PIN1: variants seen among roughly 807,000 people sequenced by gnomAD.
The protein encoded by PIN1 is peptidylprolyl cis/trans isomerase, NIMA-interacting 1.
PIN1 carries 8 observed loss-of-function variants against 19.9 expected under a neutral mutation model. The ratio of observed to expected loss-of-function variants is 0.40; its 90% CI spans 0.24 to 0.72. PIN1 has a LOEUF of 0.72. PIN1 is among the 30% of genes least tolerant of loss of function. The pLI is 0.37. For synonymous variants in PIN1, 86 were observed against 90.8 expected (o/e 0.95, Z 0.30); for missense variants, 185 against 226.5 (o/e 0.82, Z 1.18).
intron 2 of PIN1, among the ~76,000 whole-genome samples, chr19:9,842,815 C>T (rs2046181580): frequency 6.6e-6 from 1 of 152,208 alleles, no homozygotes; most frequent in African/African-American, 2.4e-5. Context: ...GTTCTCCCCT[C>T]GAGGGTTCAT....
At position 9,849,591 on chromosome 19, in the gene PIN1, A is replaced by G. The variant is rs775383362; in HGVS notation, c.*392A>G. On this transcript the variant is annotated 3_prime_UTR_variant, in exon 4 of 4. Coordinates refer to ENST00000247970, the MANE Select transcript of PIN1 (RefSeq NM_006221.4). ...CTAGTTAGGCCACGCTCCTCTGTTCAGTCGCAAAGGTGAACACTCATGCGG... is the reference window on the plus strand; with the variant it reads ...CTAGTTAGGCCACGCTCCTCTGTTCGGTCGCAAAGGTGAACACTCATGCGG... 2.0e-5 allele frequency: 11 copies of G among 545,724 alleles called. No homozygotes were observed. The East Asian group carries it at 5.4e-4, about 27-fold the overall frequency. 33.8% of individuals were successfully genotyped at this position (545,724 alleles called of 1,614,324 possible). A position where few individuals can be genotyped will look rare whatever the true frequency, so the allele number is the denominator to read the frequency against.
chr19:9,844,479 G>A (rs1026299259), intron 2 of PIN1, among the ~76,000 whole-genome samples: 1 of 152,182 alleles, frequency 6.6e-6, no homozygotes, highest in African/African-American at 2.4e-5. Context: ...TGAGCAGGCT[G>A]GCTGGGGTCT....
chr19:9,848,038 CA>C lies in PIN1; in HGVS notation c.281del (p.Gln94ArgfsTer53). ...EALELINGYIQKIKSGEEDFE... is the reference protein window; with the variant it reads ...EALELINGYIXKIKSGEEDFE... ...CCGTTCCATGTCCACAGGCTACATCCAGAAGATCAAGTCGGGAGAGGAGGAC... is the reference window on the plus strand; with the variant it reads ...CCGTTCCATGTCCACAGGCTACATCCGAAGATCAAGTCGGGAGAGGAGGAC... On this transcript the variant is annotated frameshift_variant, in exon 3 of 4. Transcript: ENST00000247970. LOFTEE classifies it high-confidence loss of function. 1 of 1,607,008 alleles carries C rather than the reference CA, an allele frequency of 6.2e-7. No homozygotes were observed. The highest frequency in any genetic ancestry group is 1.1e-5 in the South Asian group (1 of 90,924).
chr19:9,835,980 TTC>T (rs1322224059), intron 1 of PIN1: 7 of 152,344 alleles, frequency 4.6e-5, no homozygotes, highest in Admixed American at 2.0e-4. Context: ...GCGCTTTAAG[TTC>T]TCTCTGAATT....
Position 9,849,301 on chromosome 19 carries a change from AC to A in PIN1, c.*104del, listed in dbSNP as rs746328327. ...GTGGCCGAACCCCCCACTCCCTGCC[AC>A]CGTCACACAGTATTTATTGTTCCCA... On this transcript the variant is annotated 3_prime_UTR_variant, in exon 4 of 4. Coordinates refer to ENST00000247970, the MANE Select transcript of PIN1 (RefSeq NM_006221.4). 6 of 771,982 alleles carry A rather than the reference AC, an allele frequency of 7.8e-6. No individual in the cohort carries two copies. The highest frequency in any genetic ancestry group is 1.4e-5 in the Non-Finnish European group (6 of 442,910). The allele number at this position is 771,982 out of a possible 1,614,324, so 47.8% of individuals were successfully genotyped here.
At chr19:9,845,595 G>A (rs1248027807) in intron 2 of PIN1, among the ~76,000 whole-genome samples, 2 of 152,130 alleles carry the variant, frequency 1.3e-5, no homozygotes, top group Non-Finnish European at 2.9e-5. Context: ...GAACAATAAA[G>A]TGCGACCCCA....
intron 1 of PIN1, chr19:9,836,978 T>C (rs2046113642): frequency 1.8e-6 from 1 of 561,282 alleles, no homozygotes; most frequent in East Asian, 6.8e-5. Flanking sequence ...ATGTGTGAGC[T>C]TATTTAGTGC....
chr19:9,847,942 G>A (rs1030208060), intron 2 of PIN1, 88 bp from the exon 3 acceptor site: 34 of 822,256 alleles, frequency 4.1e-5, no homozygotes, highest in South Asian at 1.9e-4. Context: ...TGCCTCCCCC[G>A]CTGGCCAGCT....
intron 1 of PIN1, chr19:9,835,606 G>A (rs1027031393): frequency 3.9e-6 from 2 of 512,502 alleles, no homozygotes; most frequent in South Asian, 3.4e-5. Context: ...AGGAAGCTGA[G>A]GCAGGGGGCT....
At chr19:9,840,044 T>A (rs1418443552) in intron 2 of PIN1, among the ~76,000 whole-genome samples, 1 of 152,148 alleles carries the variant, frequency 6.6e-6, no homozygotes, top group African/African-American at 2.4e-5. Flanking sequence ...TCAATTGCAC[T>A]GGTCATACTT....
rs1249355086 is a variant in PIN1 at position 9,838,932 on chromosome 19, T to A, written c.271+284T>A. 6.6e-6 allele frequency among the ~76,000 whole-genome samples: 1 copy of A among 152,156 alleles called. No individual in the cohort carries two copies. The highest frequency in any genetic ancestry group is 2.4e-5 in the African/African-American group (1 of 41,432). Reference sequence around the variant, plus strand: ...GTGCCTCTGTGAACTCTGTGACCTTTGGGAGGGGACTCGTGTCACCTCCCC... The same window carrying A: ...GTGCCTCTGTGAACTCTGTGACCTTAGGGAGGGGACTCGTGTCACCTCCCC... On this transcript the variant is annotated intron_variant, in intron 2 of 3. Transcript: ENST00000247970. This position sits in a 1 kb window ranked among gnomAD's most constrained non-coding sequence, Gnocchi z 5.8.
intron 2 of PIN1, among the ~76,000 whole-genome samples, chr19:9,840,643 C>T (rs781568759): frequency 1.3e-5 from 2 of 152,142 alleles, no homozygotes; most frequent in Non-Finnish European, 2.9e-5. Flanking sequence ...CTCTGTCACC[C>T]AGGCTGGAGT....
chr19:9,845,241 CGTTT>C (rs1568361075), intron 2 of PIN1, among the ~76,000 whole-genome samples: 1 of 122,912 alleles, frequency 8.1e-6, no homozygotes, highest in African/African-American at 3.1e-5. Flanking sequence ...AGGAAGAAAG[CGTTT>C]TTGTTTGTTT....
intron 3 of PIN1, 23 bp from the exon 4 acceptor site, chr19:9,849,067 C>T: frequency 1.3e-6 from 2 of 1,554,922 alleles, no homozygotes; most frequent in Non-Finnish European, 1.8e-6. Flanking sequence ...CCTGACACCC[C>T]CACCGCCCCT....
chr19:9,843,324 C>G (rs11881410), intron 2 of PIN1, among the ~76,000 whole-genome samples: 10,370 of 152,358 alleles, frequency 0.068, 870 homozygotes, highest in African/African-American at 0.2. Flanking sequence ...TCTTGGTCTT[C>G]TCAGATCTGA....
At chr19:9,844,630 A>C (rs1177916597) in intron 2 of PIN1, among the ~76,000 whole-genome samples, 2 of 152,312 alleles carry the variant, frequency 1.3e-5, no homozygotes, top group East Asian at 3.9e-4. Context: ...AGCTGGAGCC[A>C]CATCGAATCA....
chr19:9,844,841 T>C (rs181398897), intron 2 of PIN1, among the ~76,000 whole-genome samples: 6 of 152,338 alleles, frequency 3.9e-5, no homozygotes, highest in Admixed American at 3.9e-4. Context: ...TCCTTCCCCA[T>C]GGCCTATTTC....
chr19:9,847,686 ACGTGTGTGTGTGTGTGTG>A (rs1363458080), intron 2 of PIN1, among the ~76,000 whole-genome samples: 3 of 130,722 alleles, frequency 2.3e-5, no homozygotes, highest in Non-Finnish European at 5.3e-5. Flanking sequence ...ATTTTCCCTC[ACGTGTGTGTGTGTGTGTG>A]CATGTGTGTG....
intron 2 of PIN1, among the ~76,000 whole-genome samples, chr19:9,840,829 T>G (rs1405384155): frequency 6.6e-6 from 1 of 152,156 alleles, no homozygotes; most frequent in Non-Finnish European, 1.5e-5. Flanking sequence ...ACTCCTGGCC[T>G]CAAGTGATCC....
Sources: allele counts gnomAD v4.1 joint callset (sites outside exome capture counted in the v4.1 genomes callset), GRCh38; gene constraint gnomAD v4.1.1; non-coding constraint Gnocchi (gnomAD v3.1); transcripts MANE v1.5; gene names NCBI Gene and HGNC (gene_info 2026-07-23, HGNC 2026-07-21).